Variants in LRRC37A2 observed in about 807,000 individuals in gnomAD.
LRRC37A2 encodes the protein leucine rich repeat containing 37 member A2, also known as leucine-rich repeat-containing protein 37A2.
A neutral mutation model predicts 68.8 loss-of-function variants in LRRC37A2; 9 were observed. The observed-to-expected ratio is 0.13, with a 90% CI of 0.08 to 0.23. The LOEUF is 0.23. Among genes scored for constraint, LRRC37A2 ranks in the 10% least tolerant of loss-of-function variants. LRRC37A2 has a pLI of 1.00. For missense variants in LRRC37A2, 168 were observed against 950.4 expected, an observed-to-expected ratio of 0.18 and a Z score of 10.82; for synonymous variants, 63 against 367.6, an observed-to-expected ratio of 0.17 and a Z score of 9.48.
chr17:46,773,761 T>C, the LRRC37A2 span: 4 of 1,613,250 alleles, frequency 2.5e-6, no homozygotes, highest in Non-Finnish European at 3.4e-6. Context: ...CACTCCTGGA[T>C]GCCCAGCTTC....
chr17:46,730,156 G>A, the LRRC37A2 span, among the ~76,000 whole-genome samples: 3 of 152,018 alleles, frequency 2.0e-5, no homozygotes, highest in South Asian at 2.1e-4. Context: ...ATAAGTAAAC[G>A]TATATATCTA....
the LRRC37A2 span, among the ~76,000 whole-genome samples, chr17:46,703,691 A>C: frequency 2.4e-4 from 36 of 151,230 alleles, no homozygotes; most frequent in East Asian, 1.2e-3. Context: ...AAAAAAAAAA[A>C]AAAAAAAAAA....
the LRRC37A2 span, among the ~76,000 whole-genome samples, chr17:46,963,399 G>C: frequency 6.6e-6 from 1 of 152,122 alleles, no homozygotes; most frequent in Admixed American, 6.6e-5. Context: ...AAAAAAATTA[G>C]CTGGGTGTGG....
chr17:46,781,085 G>A, the LRRC37A2 span, among the ~76,000 whole-genome samples: 2 of 151,920 alleles, frequency 1.3e-5, no homozygotes, highest in African/African-American at 4.8e-5. Flanking sequence ...AAAATTAGCC[G>A]GGCCTGGTGG....
chr17:46,497,051 T>G, the LRRC37A2 span, among the ~76,000 whole-genome samples: 3 of 133,112 alleles, frequency 2.3e-5, no homozygotes, highest in East Asian at 6.2e-4. Flanking sequence ...ATCATGATAT[T>G]CATTTATTTT....
the LRRC37A2 span, among the ~76,000 whole-genome samples, chr17:46,492,570 A>G: frequency 2.7e-5 from 4 of 150,138 alleles, no homozygotes; most frequent in Non-Finnish European, 2.9e-5. Flanking sequence ...TTTATAAGAA[A>G]CTGCCAAAAC....
the LRRC37A2 span, among the ~76,000 whole-genome samples, chr17:46,867,436 T>G: frequency 8.5e-5 from 13 of 152,178 alleles, no homozygotes; most frequent in Non-Finnish European, 1.6e-4. Context: ...GCTCAGTTGG[T>G]GAGGGGACAA....
the LRRC37A2 span, among the ~76,000 whole-genome samples, chr17:47,024,006 A>T: frequency 3.9e-5 from 6 of 152,320 alleles, no homozygotes; most frequent in African/African-American, 1.4e-4. Context: ...GCTTCTGGAA[A>T]GCTAGAAATG....
the LRRC37A2 span, among the ~76,000 whole-genome samples, chr17:46,901,352 G>A: frequency 3.9e-5 from 6 of 152,032 alleles, no homozygotes; most frequent in African/African-American, 1.4e-4. Context: ...AATAGAGACG[G>A]TGTTTCACCA....
the LRRC37A2 span, among the ~76,000 whole-genome samples, chr17:46,750,289 G>A: frequency 1.5e-4 from 23 of 152,304 alleles, no homozygotes; most frequent in South Asian, 3.3e-3. Context: ...GGAGGCGGAG[G>A]TTGCAGTGAG....
At chr17:46,750,513 A>G in the LRRC37A2 span, among the ~76,000 whole-genome samples, 119 of 152,312 alleles carry the variant, frequency 7.8e-4, no homozygotes, top group Non-Finnish European at 1.0e-3. Context: ...AAAGTTTCCA[A>G]TTTTGGAGCA....
chr17:46,861,427 G>A, the LRRC37A2 span, among the ~76,000 whole-genome samples: 1 of 152,110 alleles, frequency 6.6e-6, no homozygotes, highest in South Asian at 2.1e-4. Flanking sequence ...ATCTCCCTCT[G>A]TGCCCTGTCC....
the LRRC37A2 span, among the ~76,000 whole-genome samples, chr17:46,897,484 A>G: frequency 6.6e-6 from 1 of 152,084 alleles, no homozygotes; most frequent in Non-Finnish European, 1.5e-5. Context: ...GCCATAAACT[A>G]GAACTCTAGG....
At chr17:46,863,151 C>T in the LRRC37A2 span, among the ~76,000 whole-genome samples, 2 of 152,188 alleles carry the variant, frequency 1.3e-5, no homozygotes, top group African/African-American at 2.4e-5. Context: ...AGAGCCACGC[C>T]CTCCCAAAGC....
the LRRC37A2 span, among the ~76,000 whole-genome samples, chr17:46,832,278 C>T: frequency 6.6e-6 from 1 of 152,274 alleles, no homozygotes; most frequent in East Asian, 1.9e-4. Context: ...TCGGAGCCCC[C>T]ACCCCGGGCC....
chr17:46,823,107 A>ATGTATT, the LRRC37A2 span, among the ~76,000 whole-genome samples: 33 of 127,140 alleles, frequency 2.6e-4, 7 homozygotes, highest in East Asian at 1.0e-3. Context: ...TATAATAAAC[A>ATGTATT]CATATATTAT....
At chr17:46,485,965 G>A in the LRRC37A2 span, among the ~76,000 whole-genome samples, 12 of 63,352 alleles carry the variant, frequency 1.9e-4, 4 homozygotes, top group South Asian at 6.1e-3. Flanking sequence ...GGGACAGAGT[G>A]AGACTCCGTC....
the LRRC37A2 span, among the ~76,000 whole-genome samples, chr17:46,680,016 A>T: frequency 1.4e-5 from 2 of 144,540 alleles, no homozygotes; most frequent in African/African-American, 2.6e-5. Flanking sequence ...TAAGCAGCTA[A>T]TAAATGGTAA....
chr17:46,773,275 C>T, the LRRC37A2 span, among the ~76,000 whole-genome samples: 1 of 152,148 alleles, frequency 6.6e-6, no homozygotes, highest in African/African-American at 2.4e-5. Flanking sequence ...GCTTCCTCAC[C>T]TACTGAGGAC....
Sources: gnomAD v4.1 joint callset for allele counts (sites outside exome capture counted in the v4.1 genomes callset) on GRCh38, gnomAD v4.1.1 for gene constraint, MANE v1.5 for transcripts, NCBI Gene and HGNC (gene_info 2026-07-23, HGNC 2026-07-21) for gene names.